SYT17: variants seen among roughly 807,000 people sequenced by gnomAD.
The protein encoded by SYT17 is synaptotagmin 17.
In SYT17, 22 loss-of-function variants were observed where a neutral mutation model predicts 46.7. That is an observed-to-expected ratio of 0.47 (90% CI 0.34 to 0.67). The LOEUF is 0.67. Among genes scored for constraint, SYT17 ranks in the 30% least tolerant of loss-of-function variants. The probability of loss-of-function intolerance (pLI) is 0.01; values close to 1 mark genes in which losing one functional copy is unlikely to be tolerated. For missense variants in SYT17, 519 were observed against 612.8 expected, an observed-to-expected ratio of 0.85 and a Z score of 1.62; for synonymous variants, 251 against 248.4, an observed-to-expected ratio of 1.01 and a Z score of -0.10.
intron 7 of SYT17, among the ~76,000 whole-genome samples, chr16:19,264,092 A>T (rs1373803489): frequency 6.6e-6 from 1 of 152,238 alleles, no homozygotes; most frequent in Non-Finnish European, 1.5e-5. Context: ...GTGGGGACTC[A>T]GTGAGAAGAT....
intron 4 of SYT17, among the ~76,000 whole-genome samples, chr16:19,182,363 C>G (rs1051034588): frequency 1.9e-4 from 29 of 152,104 alleles, no homozygotes; most frequent in Admixed American, 3.3e-4. Context: ...TGCAGTGAGC[C>G]GAGATCCGCC....
chr16:19,225,566 G>A (rs1171804653), intron 7 of SYT17, among the ~76,000 whole-genome samples: 1 of 152,208 alleles, frequency 6.6e-6, no homozygotes, highest in Non-Finnish European at 1.5e-5. Context: ...GTATAGTTCT[G>A]TGTGAATACC....
intron 5 of SYT17, among the ~76,000 whole-genome samples, chr16:19,209,174 A>G (rs1172866974): frequency 6.6e-6 from 1 of 152,022 alleles, no homozygotes; most frequent in Non-Finnish European, 1.5e-5. Flanking sequence ...CTGCCAGGAC[A>G]TTATTTCTAA....
At chr16:19,264,749 G>A (rs1308329879) in intron 7 of SYT17, among the ~76,000 whole-genome samples, 1 of 152,028 alleles carries the variant, frequency 6.6e-6, no homozygotes, top group East Asian at 1.9e-4. Context: ...ACACCACTAT[G>A]TCTGGCTGAT....
chr16:19,207,635 C>G (rs1479624117), intron 5 of SYT17, among the ~76,000 whole-genome samples: 1 of 152,164 alleles, frequency 6.6e-6, no homozygotes, highest in Non-Finnish European at 1.5e-5. Flanking sequence ...CCAATCACCT[C>G]CCACCAGGCC....
chr16:19,232,929 G>A (rs762553351), intron 7 of SYT17, among the ~76,000 whole-genome samples: 1 of 152,154 alleles, frequency 6.6e-6, no homozygotes, highest in African/African-American at 2.4e-5. Context: ...CTGTACGTTA[G>A]TATTACTCAG....
In SYT17 at chr16:19,244,260, G is replaced by A. The variant is rs1279301932; in HGVS notation, c.1228+19422G>A. Among the ~76,000 whole-genome samples the A allele has an allele frequency of 2.0e-5, 3 of 152,208 alleles. No individual in the cohort carries two copies. The East Asian group carries it at 5.8e-4, about 29-fold the overall frequency. On this transcript the variant is annotated intron_variant, in intron 7 of 7. Transcript: ENST00000355377. ...GCTAGAAGTCACTGTATCAGTTAAG[G>A]TGTGGCTAGCTGCTATAACAAATCA...
At chr16:19,211,364 G>A (rs1418247696) in intron 5 of SYT17, 6 of 702,920 alleles carry the variant, frequency 8.5e-6, no homozygotes, top group Non-Finnish European at 1.6e-5. Flanking sequence ...TGTGTTGGGG[G>A]CTGCACTGCT....
chr16:19,184,150 A>G lies in SYT17; in HGVS notation c.951+3A>G. 1 of 1,612,364 alleles carries G rather than the reference A, an allele frequency of 6.2e-7. No homozygotes were observed. ...AGGCGCTGATTCCCAGTTCTCAGGT[A>G]AGGGATGGGTTTGTGGTGTTTCCTC... On this transcript the variant is annotated splice_donor_region_variant and intron_variant, in intron 5 of 7. Transcript: ENST00000355377.
Position 19,227,324 on chromosome 16 carries a change from C to CT in SYT17, c.1228+2498dup, listed in dbSNP as rs33936912. ...TCTTGCTGTGTAATCCTTCTCCCCG[C>CT]TTTTTTTTTTTTGAGACAATCTCAT... On this transcript the variant is annotated intron_variant, in intron 7 of 7. Coordinates refer to ENST00000355377, the MANE Select transcript of SYT17 (RefSeq NM_016524.4). Among the ~76,000 whole-genome samples, 1,255 of 142,984 alleles carry CT rather than the reference C, an allele frequency of 8.8e-3. 29 individuals carry two copies. Among genetic ancestry groups the CT allele is most frequent in the African/African-American group, 0.026 (983 of 38,176 alleles). The allele number at this position is 142,984 out of a possible 152,430, so 93.8% of individuals were successfully genotyped here.
At chr16:19,172,435 C>T in intron 1 of SYT17, 1 of 1,437,928 alleles carries the variant, frequency 7.0e-7, no homozygotes, top group Non-Finnish European at 9.0e-7. Flanking sequence ...AGTGTGGCTG[C>T]ATTGGATAGC....
At position 19,183,704 on chromosome 16, in the gene SYT17, G is replaced by A. The variant is rs767243867; in HGVS notation, c.508G>A (p.Asp170Asn). Reference sequence around the variant, plus strand: ...GTACTCCCTCGACTCCAACAGCGACGATGTGGACTCTCTGACAGACGAGGA... The same window carrying A: ...GTACTCCCTCGACTCCAACAGCGACAATGTGGACTCTCTGACAGACGAGGA... ...HLYSLDSNSD[D>N]VDSLTDEEIL... The change falls in exon 5 of 8, where the codon GAT (aspartate) becomes AAT (asparagine). Residue 170 changes from aspartate (D) to asparagine (N), a missense_variant. Asp to Asn is a conservative substitution (Grantham distance 23). Coordinates refer to ENST00000355377, the MANE Select transcript of SYT17 (RefSeq NM_016524.4). The surrounding 1 kb of genome is among the most constrained non-coding windows in gnomAD (Gnocchi z 5.6). 35 of 1,614,038 alleles carry A rather than the reference G, an allele frequency of 2.2e-5. No homozygotes were observed. Among genetic ancestry groups the A allele is most frequent in the African/African-American group, 5.3e-5 (4 of 74,912 alleles).
At chr16:19,216,803 C>G (rs1310601164) in intron 5 of SYT17, among the ~76,000 whole-genome samples, 1 of 152,120 alleles carries the variant, frequency 6.6e-6, no homozygotes, top group African/African-American at 2.4e-5. Flanking sequence ...GGGGTTGGTT[C>G]CAAGTCCTTG....
intron 5 of SYT17, 24 bp downstream of exon 5, chr16:19,184,171 T>A (rs1405705938): frequency 6.3e-7 from 1 of 1,577,418 alleles, no homozygotes; most frequent in Non-Finnish European, 8.6e-7. Flanking sequence ...TTGTGGTGTT[T>A]CCTCCTGGGA....
At chr16:19,230,236 C>T (rs1161873325) in intron 7 of SYT17, among the ~76,000 whole-genome samples, 3 of 151,890 alleles carry the variant, frequency 2.0e-5, no homozygotes, top group Non-Finnish European at 2.9e-5. Context: ...GGTGAAACCC[C>T]ATCTCTATAA....
intron 1 of SYT17, chr16:19,170,604 C>G (rs1964044088): frequency 6.6e-6 from 1 of 152,162 alleles, no homozygotes; most frequent in South Asian, 2.1e-4. Flanking sequence ...CATCTTGCAC[C>G]TGGGCTTTGA....
chr16:19,203,968 G>A (rs1210078828), intron 5 of SYT17, among the ~76,000 whole-genome samples: 2 of 152,206 alleles, frequency 1.3e-5, no homozygotes, highest in African/African-American at 4.8e-5. Flanking sequence ...AAAGCCTCAG[G>A]CCAGGCCATG....
intron 7 of SYT17, among the ~76,000 whole-genome samples, chr16:19,236,050 G>A (rs1021772110): frequency 2.0e-5 from 3 of 152,146 alleles, no homozygotes; most frequent in Non-Finnish European, 4.4e-5. Flanking sequence ...ATGGAGACAG[G>A]CGACTCACCC....
At chr16:19,181,971 C>T (rs2142568199) in intron 4 of SYT17, among the ~76,000 whole-genome samples, 1 of 141,566 alleles carries the variant, frequency 7.1e-6, no homozygotes, top group South Asian at 2.2e-4. Flanking sequence ...TACACTCCAG[C>T]TCAGGCAACA....
Sources: allele counts gnomAD v4.1 joint callset (sites outside exome capture counted in the v4.1 genomes callset), GRCh38; gene constraint gnomAD v4.1.1; non-coding constraint Gnocchi (gnomAD v3.1); transcripts MANE v1.5; gene names NCBI Gene and HGNC (gene_info 2026-07-23, HGNC 2026-07-21).